The following RPP30 variants were observed in gnomAD, a reference collection of about 807,000 sequenced individuals.
RPP30 encodes the protein ribonuclease P protein subunit p30.
In RPP30, 36 loss-of-function variants were observed where a neutral mutation model predicts 38.6. That is an observed-to-expected ratio of 0.93 (90% CI 0.71 to 1.23). The LOEUF (loss-of-function observed/expected upper bound fraction) is 1.23. RPP30 is among the 50% of genes most tolerant of loss of function. The probability of loss-of-function intolerance (pLI) is 0.00; values close to 1 mark genes in which losing one functional copy is unlikely to be tolerated. For synonymous variants in RPP30, 126 were observed against 112.7 expected, an observed-to-expected ratio of 1.12 and a Z score of -0.75; for missense variants, 321 against 321.7, an observed-to-expected ratio of 1.00 and a Z score of 0.02.
downstream of RPP30, chr10:90,902,393 A>AT (rs1589504043): frequency 2.7e-5 from 9 of 327,840 alleles, no homozygotes; most frequent in South Asian, 4.5e-5. Context: ...TAATTTTTGT[A>AT]TTTTTTTGTA....
Position 90,872,044 on chromosome 10 carries a change from G to A in RPP30, c.58G>A (p.Gly20Arg). The change falls in exon 1 of 11, where the codon GGA becomes AGA. Residue 20 changes from glycine (G) to arginine (R), a missense_variant. By Grantham distance (125) the Gly-to-Arg change is moderately radical. Transcript: ENST00000371703. ...GGGTTCTGACCTGAAGGCTCTGCGC[G>A]GACTTGTGGAGACAGCCGCTCACCG... ...RAGSDLKALR[G>R]LVETAAHLGY... is the part of the protein sequence containing the mutation. 4.3e-6 allele frequency: 7 copies of A among 1,614,158 alleles called. No homozygotes were observed. Among genetic ancestry groups the A allele is most frequent in the Non-Finnish European group, 5.9e-6 (7 of 1,180,022 alleles).
At chr10:90,872,549 A>C (rs1384484922) in intron 1 of RPP30, among the ~76,000 whole-genome samples, 1 of 152,170 alleles carries the variant, frequency 6.6e-6, no homozygotes, top group Non-Finnish European at 1.5e-5. Context: ...AGGTGGGGGC[A>C]GAGGACATAC....
Position 90,896,277 on chromosome 10 carries a change from G to A in RPP30, c.618-36G>A, listed in dbSNP as rs146434476. 5.2e-5 allele frequency: 82 copies of A among 1,587,368 alleles called. 1 individual carries two copies. The East Asian group carries it at 1.7e-3, about 32-fold the overall frequency. ...GTTTGTGTTAGTCTCGTGTCCTTGG[G>A]TGACTCTGGGTTGAAATCTTTAATG... On this transcript the variant is annotated intron_variant, in intron 9 of 10. Coordinates refer to ENST00000371703, the MANE Select transcript of RPP30 (RefSeq NM_006413.5).
chr10:90,880,944 A>C (rs1482184677), intron 5 of RPP30, among the ~76,000 whole-genome samples: 1 of 152,166 alleles, frequency 6.6e-6, no homozygotes, highest in Non-Finnish European at 1.5e-5. Context: ...TTCAGTGCCA[A>C]AACCACTAGT....
Position 90,888,669 on chromosome 10 carries a change from TGAG to T in RPP30, c.432+2774_432+2776del, listed in dbSNP as rs1312887980. Among the ~76,000 whole-genome samples, 7 of 152,116 alleles carry T rather than the reference TGAG, an allele frequency of 4.6e-5. No homozygotes were observed. In the East Asian group the frequency reaches 1.3e-3, roughly 29 times the overall value. On this transcript the variant is annotated intron_variant, in intron 6 of 10. Coordinates refer to ENST00000371703, the MANE Select transcript of RPP30 (RefSeq NM_006413.5). ...AGGGAAGTGGGGCAGTGGGGCAACA[TGAG>T]GAGGACAGTGGCACTCAAGACAGTT...
chr10:90,907,567 A>G (rs1052144826), downstream of RPP30, among the ~76,000 whole-genome samples: 8 of 152,248 alleles, frequency 5.3e-5, no homozygotes, highest in Admixed American at 5.2e-4. Flanking sequence ...GTTAACATAT[A>G]TGATCTTATC....
chr10:90,899,668 C>T (rs1847179892), intron 10 of RPP30, among the ~76,000 whole-genome samples: 1 of 152,212 alleles, frequency 6.6e-6, no homozygotes. Flanking sequence ...TTATCTTTCT[C>T]TCCATGCCTT....
At chr10:90,883,702 A>G (rs1413172648) in intron 5 of RPP30, among the ~76,000 whole-genome samples, 1 of 152,242 alleles carries the variant, frequency 6.6e-6, no homozygotes, top group Non-Finnish European at 1.5e-5. Flanking sequence ...GTGTAAGTAA[A>G]AAGTAACCTA....
intron 5 of RPP30, among the ~76,000 whole-genome samples, chr10:90,883,768 T>C (rs1204122928): frequency 6.6e-6 from 1 of 152,192 alleles, no homozygotes; most frequent in Non-Finnish European, 1.5e-5. Context: ...TTAATCACCT[T>C]TTTAAACTGA....
rs551995180 is a variant in RPP30, at chr10:90,889,856, T to A, written c.432+3955T>A. The stretch of plus-strand genomic sequence containing the variant: ...TTCAATTATGCAATTTCCTCTAAAA[T>A]CTCCCACAAACCTCTTCTGGAGTCT... On this transcript the variant is annotated intron_variant, in intron 6 of 10. Coordinates refer to ENST00000371703, the MANE Select transcript of RPP30 (RefSeq NM_006413.5). Among the ~76,000 whole-genome samples, 11 of 152,278 alleles carry A rather than the reference T, an allele frequency of 7.2e-5. No homozygotes were observed. The South Asian group carries it at 2.1e-3, about 29-fold the overall frequency.
chr10:90,892,867 ATCT>A (rs1279060321), intron 6 of RPP30, among the ~76,000 whole-genome samples: 1 of 152,244 alleles, frequency 6.6e-6, no homozygotes, highest in African/African-American at 2.4e-5. Flanking sequence ...ATCACAGGAC[ATCT>A]TCTCCATAAG....
chr10:90,891,246 C>G (rs1847078425), intron 6 of RPP30, among the ~76,000 whole-genome samples: 1 of 152,174 alleles, frequency 6.6e-6, no homozygotes, highest in African/African-American at 2.4e-5. Flanking sequence ...TGGTGATTTT[C>G]TGGCAATCTT....
chr10:90,908,285 G>A (rs1485462850), exon 5 of RPP30: 1 of 152,120 alleles, frequency 6.6e-6, no homozygotes, highest in Admixed American at 6.6e-5. Flanking sequence ...TCTTCCAGGA[G>A]GGCATGTCAT....
chr10:90,875,093 A>G (rs1313059482), intron 2 of RPP30, among the ~76,000 whole-genome samples, 169 bp downstream of exon 2: 2 of 152,180 alleles, frequency 1.3e-5, no homozygotes, highest in Admixed American at 6.5e-5. Context: ...TATTTATACA[A>G]TGATGATTTT....
At chr10:90,898,859 A>G (rs1310402977) in intron 10 of RPP30, among the ~76,000 whole-genome samples, 2 of 152,220 alleles carry the variant, frequency 1.3e-5, no homozygotes, top group Admixed American at 1.3e-4. Context: ...CCTGTGATTG[A>G]TAAAGTTCAT....
downstream of RPP30, chr10:90,903,210 G>C: frequency 6.2e-7 from 1 of 1,604,094 alleles, no homozygotes; most frequent in Non-Finnish European, 8.5e-7. Flanking sequence ...ATTCAACAAA[G>C]ACAACTTTTG....
Position 90,901,770 on chromosome 10 carries a change from A to G in RPP30, c.*1091A>G. 2.0e-6 allele frequency: 2 copies of G among 984,894 alleles called. No homozygotes were observed. Among genetic ancestry groups the G allele is most frequent in the South Asian group, 4.7e-5 (1 of 21,272 alleles). 61.0% of individuals were successfully genotyped at this position (984,894 alleles called of 1,614,324 possible). On this transcript the variant is annotated 3_prime_UTR_variant, in exon 11 of 11. Coordinates refer to ENST00000371703, the MANE Select transcript of RPP30 (RefSeq NM_006413.5). Reference sequence around the variant, plus strand: ...AGCCAGAGGTATAACTGAATAAGAAATTTTTTTAAGCAAGAGAAAGACAAC... The same window carrying G: ...AGCCAGAGGTATAACTGAATAAGAAGTTTTTTTAAGCAAGAGAAAGACAAC...
intron 2 of RPP30, 36 bp from the exon 3 acceptor site, chr10:90,875,522 A>G (rs745526161): frequency 5.1e-6 from 8 of 1,563,320 alleles, no homozygotes; most frequent in Non-Finnish European, 7.1e-6. Context: ...CTATTAATGG[A>G]TACAATCTGC....
At chr10:90,892,802 T>C (rs1335260569) in intron 6 of RPP30, among the ~76,000 whole-genome samples, 3 of 152,242 alleles carry the variant, frequency 2.0e-5, no homozygotes, top group Non-Finnish European at 2.9e-5. Context: ...GGTTTTTGGT[T>C]AGCCAGGTGC....
Sources: gnomAD v4.1 joint callset for allele counts (sites outside exome capture counted in the v4.1 genomes callset) on GRCh38, gnomAD v4.1.1 for gene constraint, MANE v1.5 for transcripts, NCBI Gene and HGNC (gene_info 2026-07-23, HGNC 2026-07-21) for gene names.